OR12D3: variants seen among roughly 807,000 people sequenced by gnomAD.
OR12D3 encodes the protein olfactory receptor family 12 subfamily D member 3.
For missense variants in OR12D3, 333 were observed against 386.4 expected (o/e 0.86, Z 1.16); for synonymous variants, 142 against 138.8 (o/e 1.02, Z -0.16).
rs770737375 is a variant in OR12D3, at chr6:29,375,016, G to C, written c.272C>G (p.Ser91Cys). ...TAGCTGGGTGATACAGCCTAGAAAA[G>C]ATATAGCCCTGCGACTGCACACGAG... ...VNLVCSRRAISFLGCITQLHF... is the reference protein window; with the variant it reads ...VNLVCSRRAICFLGCITQLHF... The change falls in exon 1 of 1, where the codon TCT becomes TGT. Residue 91 changes from serine (S) to cysteine (C), a missense_variant. Ser to Cys is a moderately radical substitution (Grantham distance 112). Coordinates refer to ENST00000396806, the MANE Select transcript of OR12D3 (RefSeq NM_030959.3). The C allele has an allele frequency of 4.3e-6, 7 of 1,613,666 alleles. No homozygotes were observed. In the Admixed American group the frequency reaches 1.2e-4, roughly 27 times the overall value.
In OR12D3 at chr6:29,375,184, A is replaced by G. The variant is rs758308272; in HGVS notation, c.104T>C (p.Ile35Thr). Reference protein sequence around the residue: ...FFGIFLIIYLINLIGNGSILV... With the variant: ...FFGIFLIIYLTNLIGNGSILV... ...TATAGATCCATTTCCAATCAAGTTT[A>G]TCAGGTAAATGATTAAGAAAATCCC... Residue 35 changes from isoleucine to threonine, a missense_variant, in exon 1 of 1, where the codon ATA (isoleucine) becomes ACA (threonine). Coordinates refer to ENST00000396806, the MANE Select transcript of OR12D3 (RefSeq NM_030959.3). 17 of 1,612,958 alleles carry G rather than the reference A, an allele frequency of 1.1e-5. No individual in the cohort carries two copies. The highest frequency in any genetic ancestry group is 1.4e-5 in the Non-Finnish European group (16 of 1,179,982).
chr6:29,374,840 T>C lies in OR12D3; in HGVS notation c.448A>G (p.Ser150Gly), dbSNP rs927011128. ...ILLAAAAWLI[S>G]FFYALMHSVM... The stretch of plus-strand genomic sequence containing the variant: ...GAATGCATCAGAGCGTAAAAGAAGC[T>C]GATGAGCCAGGCCGCAGCTGCCAAC... The change falls in exon 1 of 1, where the codon AGC (serine) becomes GGC (glycine). Residue 150 changes from serine to glycine, a missense_variant. By Grantham distance (56) the Ser-to-Gly change is moderately conservative. Coordinates refer to ENST00000396806, the MANE Select transcript of OR12D3 (RefSeq NM_030959.3). 1.2e-6 allele frequency: 2 copies of C among 1,613,660 alleles called. No individual in the cohort carries two copies. Among genetic ancestry groups the C allele is most frequent in the Non-Finnish European group, 8.5e-7 (1 of 1,180,008 alleles).
chr6:29,374,510 G>T lies in OR12D3; in HGVS notation c.778C>A (p.Arg260Ser), dbSNP rs760362736. ...FYGPVGFTYI[R>S]PASATSMIQD... is the part of the protein sequence containing the mutation. ...ATCATGGAGGTGGCTGAAGCAGGAC[G>T]AATATATGTGAAGCCCACAGGTCCA... Residue 260 changes from arginine to serine, a missense_variant, in exon 1 of 1, where the codon CGT becomes AGT. Physicochemically the swap from Arg to Ser is moderately radical, Grantham distance 110 (BLOSUM62 -1). Coordinates refer to ENST00000396806, the MANE Select transcript of OR12D3 (RefSeq NM_030959.3). 6.2e-7 allele frequency: 1 copy of T among 1,612,848 alleles called. No homozygotes were observed. The highest frequency in any genetic ancestry group is 2.2e-5 in the East Asian group (1 of 44,886).
At position 29,374,608 on chromosome 6, in the gene OR12D3, T is replaced by C; in HGVS notation, c.680A>G (p.Asn227Ser). The C allele has an allele frequency of 6.2e-7, 1 of 1,612,934 alleles. No individual in the cohort carries two copies. Among genetic ancestry groups the C allele is most frequent in the Non-Finnish European group, 8.5e-7 (1 of 1,180,010 alleles). Residue 227 changes from asparagine (N) to serine (S), a missense_variant, in exon 1 of 1, where the codon AAC (asparagine) becomes AGC (serine). Coordinates refer to ENST00000396806, the MANE Select transcript of OR12D3 (RefSeq NM_030959.3). Reference protein sequence around the residue: ...FYVIGFLLFKNRSCRILHKAL... With the variant: ...FYVIGFLLFKSRSCRILHKAL... The stretch of plus-strand genomic sequence containing the variant: ...CTTGTGGAGTATTCTGCAGGACCTG[T>C]TCTTAAACAGAAGGAAGCCAATTAC...
chr6:29,374,748 C>T lies in OR12D3; in HGVS notation c.540G>A (p.Lys180=). Residue 180 remains lysine, a synonymous_variant, in exon 1 of 1, where the codon AAG becomes AAA. Coordinates refer to ENST00000396806, the MANE Select transcript of OR12D3 (RefSeq NM_030959.3). ...CACTACAGGCCAATTCTAAGAGCGGCTTGACATCGTAGAAGAAGTGATTGA... is the reference window on the plus strand; with the variant it reads ...CACTACAGGCCAATTCTAAGAGCGGTTTGACATCGTAGAAGAAGTGATTGA... ...QKLNHFFYDV[K]PLLELACSDT... 3.1e-6 allele frequency: 5 copies of T among 1,613,110 alleles called. No individual in the cohort carries two copies. The highest frequency in any genetic ancestry group is 4.2e-6 in the Non-Finnish European group (5 of 1,180,010).
In OR12D3 at chr6:29,374,562, G is replaced by T; in HGVS notation, c.726C>A (p.Ser242=). Residue 242 remains serine, a synonymous_variant, in exon 1 of 1, where the codon TCC becomes TCA. Transcript: ENST00000396806. ...AGAAAAGACATACCACCATAAAATG[G>T]GAGGCACAAGTGGACAGAGCCTTGT... The part of the protein sequence containing the change: ...ILHKALSTCA[S]HFMVVCLFYG... The T allele has an allele frequency of 6.2e-7, 1 of 1,613,032 alleles. No homozygotes were observed. Among genetic ancestry groups the T allele is most frequent in the Non-Finnish European group, 8.5e-7 (1 of 1,180,036 alleles).
Position 29,374,702 on chromosome 6 carries a change from G to A in OR12D3, c.586C>T (p.Leu196Phe). 1 of 1,613,000 alleles carries A rather than the reference G, an allele frequency of 6.2e-7. No individual in the cohort carries two copies. The highest frequency in any genetic ancestry group is 8.5e-7 in the Non-Finnish European group (1 of 1,179,966). The change falls in exon 1 of 1, where the codon CTT becomes TTT. Residue 196 changes from leucine (L) to phenylalanine (F), a missense_variant. Transcript: ENST00000396806. Reference protein sequence around the residue: ...ACSDTLLNQWLLSIVTGSISM... With the variant: ...ACSDTLLNQWFLSIVTGSISM... ...ATGCTGCCTGTGACAATGGAAAGAAGCCATTGATTGAGTAATGTGTCACTA... is the reference window on the plus strand; with the variant it reads ...ATGCTGCCTGTGACAATGGAAAGAAACCATTGATTGAGTAATGTGTCACTA...
rs151096169 is a variant in OR12D3 at position 29,374,828 on chromosome 6, C to T, written c.460G>A (p.Ala154Thr). ...AAAWLISFFY[A>T]LMHSVMTAHL... The stretch of plus-strand genomic sequence containing the variant: ...GCAGTCATGACAGAATGCATCAGAG[C>T]GTAAAAGAAGCTGATGAGCCAGGCC... Residue 154 changes from alanine to threonine, a missense_variant, in exon 1 of 1, where the codon GCT becomes ACT. Physicochemically the swap from Ala to Thr is moderately conservative, Grantham distance 58 (BLOSUM62 0). Coordinates refer to ENST00000396806, the MANE Select transcript of OR12D3 (RefSeq NM_030959.3). The T allele has an allele frequency of 9.9e-6, 16 of 1,612,746 alleles. No individual in the cohort carries two copies. The highest frequency in any genetic ancestry group is 2.2e-5 in the South Asian group (2 of 90,404).
Position 29,374,274 on chromosome 6 carries a change from T to C in OR12D3, c.*63A>G. 1 of 1,332,032 alleles carries C rather than the reference T, an allele frequency of 7.5e-7. No homozygotes were observed. Among genetic ancestry groups the C allele is most frequent in the Non-Finnish European group, 1.0e-6 (1 of 966,236 alleles). 82.5% of individuals were successfully genotyped at this position (1,332,032 alleles called of 1,614,324 possible). On this transcript the variant is annotated 3_prime_UTR_variant, in exon 1 of 1. Coordinates refer to ENST00000396806, the MANE Select transcript of OR12D3 (RefSeq NM_030959.3). Reference sequence around the variant, plus strand: ...GAAAAATATAAACCAGGTAAACAAATCATTTCTTACAGTGAAGTGATGGAA... The same window carrying C: ...GAAAAATATAAACCAGGTAAACAAACCATTTCTTACAGTGAAGTGATGGAA...
rs1779355397 is a variant in OR12D3, at chr6:29,375,117, C to A, written c.171G>T (p.Met57Ile). Residue 57 changes from methionine to isoleucine, a missense_variant, in exon 1 of 1, where the codon ATG becomes ATT. Transcript: ENST00000396806. ...AAGAAAGGTTTCCCAGAAAAAAATA[C>A]ATAGGGGAGTGGAGTTGTGGTTCCA... ...VVLEPQLHSP[M>I]YFFLGNLSCL... 1.9e-6 allele frequency: 3 copies of A among 1,612,860 alleles called. No individual in the cohort carries two copies. Among genetic ancestry groups the A allele is most frequent in the Non-Finnish European group, 2.5e-6 (3 of 1,179,978 alleles).
In OR12D3 at chr6:29,374,807, T is replaced by C; in HGVS notation, c.481A>G (p.Thr161Ala). The C allele has an allele frequency of 6.2e-7, 1 of 1,612,686 alleles. No individual in the cohort carries two copies. The highest frequency in any genetic ancestry group is 1.1e-5 in the South Asian group (1 of 90,322). Residue 161 changes from threonine (T) to alanine (A), a missense_variant, in exon 1 of 1, where the codon ACT becomes GCT. Coordinates refer to ENST00000396806, the MANE Select transcript of OR12D3 (RefSeq NM_030959.3). ...GAGCCACAAAAACTCAGGTGTGCAG[T>C]CATGACAGAATGCATCAGAGCGTAA... Reference protein sequence around the residue: ...FFYALMHSVMTAHLSFCGSQK... With the variant: ...FFYALMHSVMAAHLSFCGSQK...
Position 29,375,257 on chromosome 6 carries a change from GA to G in OR12D3, c.30del (p.Leu11PhefsTer5). The G allele has an allele frequency of 6.3e-7, 1 of 1,590,216 alleles. No individual in the cohort carries two copies. The highest frequency in any genetic ancestry group is 8.5e-7 in the Non-Finnish European group (1 of 1,173,134). Reference protein sequence around the residue: MENVTTMNEFLLLGLTGVQE... With the variant: MENVTTMNEXLLLGLTGVQE... ...TGAACACCAGTCAGGCCAAGTAGAA[GA>G]AACTCATTCATTGTAGTGACATTCT... On this transcript the variant is annotated frameshift_variant, in exon 1 of 1. Transcript: ENST00000396806. LOFTEE classifies it low-confidence loss of function (END_TRUNC).
At position 29,373,944 on chromosome 6, in the gene OR12D3, T is replaced by C. The variant is rs1779263093; in HGVS notation, c.*393A>G. ...AAAATAGGCAAAAATAAAGATTATC[T>C]CATATGGAATTTCAGTAAGATACTT... On this transcript the variant is annotated 3_prime_UTR_variant, in exon 1 of 1. Coordinates refer to ENST00000396806, the MANE Select transcript of OR12D3 (RefSeq NM_030959.3). The C allele has an allele frequency of 7.5e-6, 3 of 400,094 alleles. No individual in the cohort carries two copies. Among genetic ancestry groups the C allele is most frequent in the Non-Finnish European group, 8.8e-6 (2 of 227,130 alleles). The allele number at this position is 400,094 out of a possible 1,614,324, so 24.8% of individuals were successfully genotyped here.
chr6:29,374,671 A>G lies in OR12D3; in HGVS notation c.617T>C (p.Met206Thr), dbSNP rs191571435. 30 of 1,612,286 alleles carry G rather than the reference A, an allele frequency of 1.9e-5. No individual in the cohort carries two copies. The Admixed American group carries it at 2.0e-4, about 11-fold the overall frequency. Residue 206 changes from methionine (M) to threonine (T), a missense_variant, in exon 1 of 1, where the codon ATG (methionine) becomes ACG (threonine). Met to Thr is a moderately conservative substitution (Grantham distance 81). Coordinates refer to ENST00000396806, the MANE Select transcript of OR12D3 (RefSeq NM_030959.3). Reference protein sequence around the residue: ...LLSIVTGSISMGAFFLTLLSC... With the variant: ...LLSIVTGSISTGAFFLTLLSC... Reference sequence around the variant, plus strand: ...GAGAAGAGTCAGAAAGAAAGCTCCCATGGATATGCTGCCTGTGACAATGGA... The same window carrying G: ...GAGAAGAGTCAGAAAGAAAGCTCCCGTGGATATGCTGCCTGTGACAATGGA...
Position 29,374,450 on chromosome 6 carries a change from C to T in OR12D3, c.838G>A (p.Val280Ile), listed in dbSNP as rs202112743. Residue 280 changes from valine (V) to isoleucine (I), a missense_variant, in exon 1 of 1, where the codon GTC becomes ATC. Physicochemically the swap from Val to Ile is conservative, Grantham distance 29 (BLOSUM62 3). Coordinates refer to ENST00000396806, the MANE Select transcript of OR12D3 (RefSeq NM_030959.3). ...DRIMAIMYSA[V>I]TPVLNPLIYT... is the part of the protein sequence containing the mutation. ...ATTAGTGGATTCAGTACAGGGGTGACGGCGCTATACATGATGGCCATTATC... is the reference window on the plus strand; with the variant it reads ...ATTAGTGGATTCAGTACAGGGGTGATGGCGCTATACATGATGGCCATTATC... The T allele has an allele frequency of 5.9e-5, 95 of 1,610,844 alleles. No individual in the cohort carries two copies. The highest frequency in any genetic ancestry group is 7.0e-5 in the Non-Finnish European group (83 of 1,179,280).
In OR12D3 at chr6:29,374,729, A is replaced by G; in HGVS notation, c.559T>C (p.Cys187Arg). 1 of 1,613,130 alleles carries G rather than the reference A, an allele frequency of 6.2e-7. No homozygotes were observed. Among genetic ancestry groups the G allele is most frequent in the Non-Finnish European group, 8.5e-7 (1 of 1,180,030 alleles). ...CATTGATTGAGTAATGTGTCACTAC[A>G]GGCCAATTCTAAGAGCGGCTTGACA... Reference protein sequence around the residue: ...YDVKPLLELACSDTLLNQWLL... With the variant: ...YDVKPLLELARSDTLLNQWLL... The change falls in exon 1 of 1, where the codon TGT becomes CGT. Residue 187 changes from cysteine (C) to arginine (R), a missense_variant. Transcript: ENST00000396806.
Position 29,374,286 on chromosome 6 carries a change from G to A in OR12D3, c.*51C>T, listed in dbSNP as rs138924573. On this transcript the variant is annotated 3_prime_UTR_variant, in exon 1 of 1. Coordinates refer to ENST00000396806, the MANE Select transcript of OR12D3 (RefSeq NM_030959.3). Reference sequence around the variant, plus strand: ...CCAGGTAAACAAATCATTTCTTACAGTGAAGTGATGGAAATCAGTCTTAAT... The same window carrying A: ...CCAGGTAAACAAATCATTTCTTACAATGAAGTGATGGAAATCAGTCTTAAT... The A allele has an allele frequency of 1.1e-3, 1,462 of 1,369,062 alleles. 5 individuals carry two copies. The highest frequency in any genetic ancestry group is 8.2e-3 in the Middle Eastern group (33 of 4,034). The allele number at this position is 1,369,062 out of a possible 1,614,324, so 84.8% of individuals were successfully genotyped here.
In OR12D3 at chr6:29,375,195, G is replaced by T. The variant is rs201192865; in HGVS notation, c.93C>A (p.Ile31=). ...TTCCAATCAAGTTTATCAGGTAAAT[G>T]ATTAAGAAAATCCCAAAGAAGAAAG... ...LQPFFFGIFL[I]IYLINLIGNG... is the part of the protein sequence containing the mutation. The change falls in exon 1 of 1, where the codon ATC becomes ATA. Residue 31 remains isoleucine (I), a synonymous_variant. Transcript: ENST00000396806. The T allele has an allele frequency of 3.1e-6, 5 of 1,612,362 alleles. No homozygotes were observed. Among genetic ancestry groups the T allele is most frequent in the East Asian group, 2.2e-5 (1 of 44,878 alleles).
Position 29,375,257 on chromosome 6 carries a change from G to C in OR12D3, c.31C>G (p.Leu11Val). The C allele has an allele frequency of 6.3e-7, 1 of 1,590,216 alleles. No homozygotes were observed. Among genetic ancestry groups the C allele is most frequent in the Non-Finnish European group, 8.5e-7 (1 of 1,173,134 alleles). The part of the protein sequence containing the change: MENVTTMNEF[L>V]LLGLTGVQEL... ...TGAACACCAGTCAGGCCAAGTAGAA[G>C]AAACTCATTCATTGTAGTGACATTC... Residue 11 changes from leucine to valine, a missense_variant, in exon 1 of 1, where the codon CTT becomes GTT. Physicochemically the swap from Leu to Val is conservative, Grantham distance 32 (BLOSUM62 1). Coordinates refer to ENST00000396806, the MANE Select transcript of OR12D3 (RefSeq NM_030959.3).
Sources: gnomAD v4.1 joint callset for allele counts on GRCh38, gnomAD v4.1.1 for gene constraint, MANE v1.5 for transcripts, NCBI Gene and HGNC (gene_info 2026-07-23, HGNC 2026-07-21) for gene names.